P2RY6: variants seen among roughly 807,000 people sequenced by gnomAD.
The protein encoded by P2RY6 is pyrimidinergic receptor P2Y6.
A neutral mutation model predicts 16.3 loss-of-function variants in P2RY6; 19 were observed. The ratio of observed to expected loss-of-function variants is 1.16; its 90% CI spans 0.81 to 1.71. The LOEUF (loss-of-function observed/expected upper bound fraction) is 1.71, where lower values mean the gene tolerates loss of function less well. Among genes scored for constraint, P2RY6 ranks in the 40% most tolerant of loss-of-function variants. The pLI, the probability that P2RY6 is intolerant of heterozygous loss-of-function variation, is 0.00. For missense variants in P2RY6, 389 were observed against 455.5 expected, an observed-to-expected ratio of 0.85 and a Z score of 1.33; for synonymous variants, 184 against 201.5, an observed-to-expected ratio of 0.91 and a Z score of 0.74.
chr11:73,280,296 C>G (rs1863705903), intron 1 of P2RY6, among the ~76,000 whole-genome samples: 1 of 152,156 alleles, frequency 6.6e-6, no homozygotes, highest in South Asian at 2.1e-4. Context: ...AAATAATAAC[C>G]AGTCCCACCT....
chr11:73,275,851 C>G (rs1163695778), intron 1 of P2RY6, among the ~76,000 whole-genome samples: 1 of 152,176 alleles, frequency 6.6e-6, no homozygotes, highest in Non-Finnish European at 1.5e-5. Flanking sequence ...TGCTTTGTGC[C>G]AGGCCCACTC....
chr11:73,277,137 A>C (rs1255292322), intron 1 of P2RY6, among the ~76,000 whole-genome samples: 1 of 150,342 alleles, frequency 6.7e-6, no homozygotes, highest in Non-Finnish European at 1.5e-5. Context: ...TTTTTGAGAC[A>C]CAGTTTCACT....
At chr11:73,279,957 G>A (rs986490361) in intron 1 of P2RY6, among the ~76,000 whole-genome samples, 6 of 152,204 alleles carry the variant, frequency 3.9e-5, no homozygotes, top group African/African-American at 4.8e-5. Flanking sequence ...CTTCCTGTGA[G>A]GGGCCTGGGA....
intron 1 of P2RY6, among the ~76,000 whole-genome samples, chr11:73,286,951 T>C (rs1419172385): frequency 1.3e-5 from 2 of 152,208 alleles, no homozygotes; most frequent in Admixed American, 1.3e-4. Context: ...CCTGTCTTCC[T>C]GGGCACAAGG....
upstream of P2RY6, among the ~76,000 whole-genome samples, chr11:73,267,437 T>A (rs1232833763): frequency 6.6e-6 from 1 of 152,000 alleles, no homozygotes; most frequent in Non-Finnish European, 1.5e-5. Context: ...AAGGTTCAGA[T>A]CTTGGATTGT....
chr11:73,290,247 T>G (rs1290386666), intron 1 of P2RY6, among the ~76,000 whole-genome samples: 3 of 96,260 alleles, frequency 3.1e-5, no homozygotes, highest in Non-Finnish European at 4.2e-5. Context: ...AAAGAGAGAG[T>G]CAGAGAGAGA....
At position 73,297,487 on chromosome 11, in the gene P2RY6, G is replaced by A. The variant is rs1409479983; in HGVS notation, c.969G>A (p.Trp323Ter). The change falls in exon 3 of 3, where the codon TGG (tryptophan) becomes TGA (stop). Residue 323 changes from tryptophan to a stop codon, truncating the protein, a stop_gained. Coordinates refer to ENST00000540124, the MANE Select transcript of P2RY6 (RefSeq NM_001277204.2). LOFTEE classifies it high-confidence loss of function. ...HELLQKLTAK[W>*]QRQGR ...TCCTACAGAAACTCACAGCCAAATG[G>A]CAGAGGCAGGGTCGCTGAGTCCTCC... is the stretch of plus-strand genomic sequence containing the variant. 5 of 1,608,440 alleles carry A rather than the reference G, an allele frequency of 3.1e-6. No individual in the cohort carries two copies. Among genetic ancestry groups the A allele is most frequent in the Non-Finnish European group, 4.3e-6 (5 of 1,176,138 alleles).
intron 1 of P2RY6, among the ~76,000 whole-genome samples, chr11:73,266,010 C>G (rs1236484480): frequency 6.6e-6 from 1 of 152,136 alleles, no homozygotes; most frequent in Non-Finnish European, 1.5e-5. Flanking sequence ...CATAGAAATC[C>G]TAACAGCTGG....
intron 2 of P2RY6, 122 bp downstream of exon 2, chr11:73,295,937 C>G (rs927986767): frequency 5.0e-6 from 1 of 198,968 alleles, no homozygotes; most frequent in African/African-American, 2.4e-5. Flanking sequence ...GTCTCAGTCT[C>G]TGAGAGACAT....
At chr11:73,291,520 C>T (rs1441277815) in intron 1 of P2RY6, among the ~76,000 whole-genome samples, 4 of 152,250 alleles carry the variant, frequency 2.6e-5, no homozygotes, top group Non-Finnish European at 4.4e-5. Context: ...CCTCTTAGCA[C>T]AGGCCTGAGC....
intron 1 of P2RY6, among the ~76,000 whole-genome samples, chr11:73,285,214 G>A (rs1280868793): frequency 6.6e-6 from 1 of 152,198 alleles, no homozygotes; most frequent in Non-Finnish European, 1.5e-5. Context: ...GGGGTTACAG[G>A]CACACGCCAA....
At position 73,267,288 on chromosome 11, in the gene P2RY6, TA is replaced by T. The variant is rs200804970; in HGVS notation, c.-281+2640del. 7.0e-4 allele frequency among the ~76,000 whole-genome samples: 107 copies of T among 152,066 alleles called. 3 individuals are homozygous for T. The East Asian group carries it at 0.018, about 25-fold the overall frequency. ...CCTCCCTGCCTAAGCCAGCCTGGAGTAGAGGCAGGTGCCTGGTAAAATGGCC... is the reference window on the plus strand; with the variant it reads ...CCTCCCTGCCTAAGCCAGCCTGGAGTGAGGCAGGTGCCTGGTAAAATGGCC... On this transcript the variant is annotated intron_variant, in intron 1 of 3. Transcript: ENST00000349767.
At chr11:73,286,647 C>CA (rs1863984873) in intron 1 of P2RY6, among the ~76,000 whole-genome samples, 1 of 152,000 alleles carries the variant, frequency 6.6e-6, no homozygotes, top group Non-Finnish European at 1.5e-5. Flanking sequence ...AGACTGGATC[C>CA]AGTCATCCAA....
intron 1 of P2RY6, among the ~76,000 whole-genome samples, chr11:73,278,158 ATTTATTTATTTAT>A (rs1863618340): frequency 8.8e-6 from 1 of 113,720 alleles, no homozygotes; most frequent in Non-Finnish European, 2.1e-5. Context: ...TTATTTATTT[ATTTATTTATTTAT>A]TTATTTATTT....
chr11:73,278,240 C>T (rs1035573902), intron 1 of P2RY6, among the ~76,000 whole-genome samples: 3 of 151,956 alleles, frequency 2.0e-5, no homozygotes, highest in Admixed American at 2.0e-4. Context: ...GGTGCGATCT[C>T]GGCTCATCGC....
chr11:73,272,751 A>G (rs1863368133), intron 1 of P2RY6, among the ~76,000 whole-genome samples: 1 of 152,236 alleles, frequency 6.6e-6, no homozygotes, highest in Non-Finnish European at 1.5e-5. Flanking sequence ...GGAATAGCTC[A>G]GTCAGGATTC....
intron 1 of P2RY6, among the ~76,000 whole-genome samples, chr11:73,277,524 G>T (rs1863587553): frequency 6.6e-6 from 1 of 152,238 alleles, no homozygotes; most frequent in Admixed American, 6.5e-5. Context: ...GCTGGCAGAA[G>T]ACGCAAGACT....
At chr11:73,272,314 G>A (rs1894075), upstream of P2RY6, 152,562 of 984,330 alleles carry the variant, frequency 0.15, 12,258 homozygotes, top group Non-Finnish European at 0.16. Flanking sequence ...CAGGTCTCTC[G>A]GTTTCCTCAT....
chr11:73,271,009 C>G (rs1193024635), upstream of P2RY6, among the ~76,000 whole-genome samples: 1 of 152,192 alleles, frequency 6.6e-6, no homozygotes, highest in Non-Finnish European at 1.5e-5. Context: ...AACTAATCTC[C>G]CCTGCTAGAC....
Sources: gnomAD v4.1 joint callset for allele counts (sites outside exome capture counted in the v4.1 genomes callset) on GRCh38, gnomAD v4.1.1 for gene constraint, MANE v1.5 for transcripts, NCBI Gene and HGNC (gene_info 2026-07-23, HGNC 2026-07-21) for gene names.